The following RTL4 variants were observed in gnomAD, a reference collection of about 807,000 sequenced individuals.
RTL4 encodes retrotransposon Gag-like protein 4.
Under a neutral mutation model 5.3 loss-of-function variants are expected in RTL4, and 4 were observed. The observed-to-expected ratio is 0.75, with a 90% CI of 0.37 to 1.72. The LOEUF (loss-of-function observed/expected upper bound fraction) is 1.72, where lower values mean the gene tolerates loss of function less well. Among genes scored for constraint, RTL4 ranks in the 40% most tolerant of loss-of-function variants. The pLI, the probability that RTL4 is intolerant of heterozygous loss-of-function variation, is 0.04. For missense variants in RTL4, 260 were observed against 227.1 expected (o/e 1.14, Z -0.93); for synonymous variants, 98 against 87.3 (o/e 1.12, Z -0.68).
the RTL4 span, among the ~76,000 whole-genome samples, chrX:112,166,889 T>G: frequency 1.8e-5 from 2 of 111,967 alleles, no homozygotes; most frequent in East Asian, 5.6e-4. Context: ...ATAAGTAATT[T>G]TGATTATGTT....
the RTL4 span, among the ~76,000 whole-genome samples, chrX:112,104,199 G>A: frequency 8.0e-5 from 9 of 111,866 alleles, no homozygotes; most frequent in African/African-American, 2.9e-4. Flanking sequence ...TGTCCTCCAG[G>A]TTTTATCCAT....
At chrX:112,136,073 T>C in the RTL4 span, among the ~76,000 whole-genome samples, 1 of 110,213 alleles carries the variant, frequency 9.1e-6, no homozygotes, top group Non-Finnish European at 1.9e-5. Flanking sequence ...TCCTAAGTGT[T>C]TTATTCTTTT....
the RTL4 span, among the ~76,000 whole-genome samples, chrX:112,148,531 T>C: frequency 9.0e-5 from 10 of 111,055 alleles, no homozygotes; most frequent in Non-Finnish European, 1.9e-4. Context: ...AAATGCCAAG[T>C]AATGTCAAGT....
At chrX:112,358,626 G>C in the RTL4 span, among the ~76,000 whole-genome samples, 508 of 111,560 alleles carry the variant, frequency 4.6e-3, 1 homozygote, top group Non-Finnish European at 7.9e-3. Flanking sequence ...CTTGACTTCT[G>C]TAGTACTGGC....
chrX:112,434,575 T>G, the RTL4 span, among the ~76,000 whole-genome samples: 2 of 111,664 alleles, frequency 1.8e-5, no homozygotes, highest in Non-Finnish European at 3.8e-5. Flanking sequence ...GGATCGGTGG[T>G]GATATCCCCC....
the RTL4 span, among the ~76,000 whole-genome samples, chrX:112,166,841 A>G: frequency 1.8e-5 from 2 of 112,129 alleles, no homozygotes; most frequent in Non-Finnish European, 3.8e-5. Flanking sequence ...TATACCAGGT[A>G]TTAAGAACAG....
the RTL4 span, among the ~76,000 whole-genome samples, chrX:112,390,044 T>C: frequency 2.2e-5 from 2 of 89,912 alleles, no homozygotes; most frequent in Non-Finnish European, 4.3e-5. Flanking sequence ...TGTGGCTCTT[T>C]GTAGGTCTCT....
At chrX:112,175,327 T>G in the RTL4 span, among the ~76,000 whole-genome samples, 79 of 99,882 alleles carry the variant, frequency 7.9e-4, no homozygotes, top group African/African-American at 2.7e-3. Flanking sequence ...CACCATTTAT[T>G]AAATAGGGAA....
At chrX:112,402,134 C>T in the RTL4 span, among the ~76,000 whole-genome samples, 1 of 112,088 alleles carries the variant, frequency 8.9e-6, no homozygotes, top group Non-Finnish European at 1.9e-5. Flanking sequence ...CTTAATGCTT[C>T]AGAATATGCG....
chrX:112,335,835 A>C, the RTL4 span, among the ~76,000 whole-genome samples: 2 of 108,830 alleles, frequency 1.8e-5, no homozygotes, highest in Non-Finnish European at 3.8e-5. Context: ...TATTTATTTT[A>C]TTATTACTAT....
At chrX:112,436,226 C>CA in the RTL4 span, among the ~76,000 whole-genome samples, 676 of 97,874 alleles carry the variant, frequency 6.9e-3, 6 homozygotes, top group African/African-American at 0.02. Context: ...CATAACAAAA[C>CA]AAAAAAAAAA....
At chrX:112,315,013 T>A in the RTL4 span, among the ~76,000 whole-genome samples, 1 of 111,824 alleles carries the variant, frequency 8.9e-6, no homozygotes, top group African/African-American at 3.3e-5. Flanking sequence ...TCATTGGCCA[T>A]GATGAATATT....
chrX:112,127,429 C>A, the RTL4 span, among the ~76,000 whole-genome samples: 1 of 111,340 alleles, frequency 9.0e-6, no homozygotes, highest in Non-Finnish European at 1.9e-5. Flanking sequence ...GGGGAATTTT[C>A]TCAACATCAT....
the RTL4 span, among the ~76,000 whole-genome samples, chrX:112,357,631 C>T: frequency 5.4e-5 from 6 of 112,104 alleles, no homozygotes; most frequent in African/African-American, 1.9e-4. Context: ...GCTTTAAGGG[C>T]AGCATATAGC....
At chrX:112,277,437 G>A in the RTL4 span, among the ~76,000 whole-genome samples, 1 of 111,775 alleles carries the variant, frequency 8.9e-6, no homozygotes, top group Non-Finnish European at 1.9e-5. Context: ...AGGATAGAGA[G>A]AACTGGAGGG....
chrX:112,191,163 C>A, the RTL4 span, among the ~76,000 whole-genome samples: 2 of 112,041 alleles, frequency 1.8e-5, no homozygotes, highest in Non-Finnish European at 3.8e-5. Flanking sequence ...CTTGGCATTT[C>A]TGCCTCCTTA....
At chrX:112,302,955 C>A in the RTL4 span, among the ~76,000 whole-genome samples, 5 of 112,064 alleles carry the variant, frequency 4.5e-5, no homozygotes, top group Non-Finnish European at 7.5e-5. Flanking sequence ...GCACAGGAAT[C>A]CTATCCAGAG....
the RTL4 span, among the ~76,000 whole-genome samples, chrX:112,351,241 A>G: frequency 9.2e-6 from 1 of 108,995 alleles, no homozygotes; most frequent in Admixed American, 9.9e-5. Flanking sequence ...ACAGTTTGTT[A>G]TAATTTCTGT....
chrX:112,098,293 C>A, the RTL4 span, among the ~76,000 whole-genome samples: 1 of 110,814 alleles, frequency 9.0e-6, no homozygotes, highest in East Asian at 2.9e-4. Flanking sequence ...ATGAACTCAT[C>A]ATTTTTTATG....
Sources: gnomAD v4.1 joint callset for allele counts (sites outside exome capture counted in the v4.1 genomes callset) on GRCh38, gnomAD v4.1.1 for gene constraint, MANE v1.5 for transcripts, NCBI Gene and HGNC (gene_info 2026-07-23, HGNC 2026-07-21) for gene names.